The following PISD variants were observed in gnomAD, a reference collection of about 807,000 sequenced individuals.
The protein encoded by PISD is phosphatidylserine decarboxylase, also known as phosphatidylserine decarboxylase proenzyme, mitochondrial.
Under a neutral mutation model 43.5 loss-of-function variants are expected in PISD, and 31 were observed. The ratio of observed to expected loss-of-function variants is 0.71; its 90% confidence interval spans 0.54 to 0.96. The LOEUF is 0.96. PISD is among the 40% of genes least tolerant of loss of function. PISD has a pLI of 0.00. For missense variants in PISD, 523 were observed against 548.4 expected (o/e 0.95, Z 0.46); for synonymous variants, 259 against 228.7 (o/e 1.13, Z -1.20).
At chr22:31,643,265 T>C (rs2073791090) in intron 3 of PISD, among the ~76,000 whole-genome samples, 5 of 152,198 alleles carry the variant, frequency 3.3e-5, no homozygotes, top group Admixed American at 2.6e-4. Context: ...TTCATCTCCG[T>C]CATTTAACAG....
intron 1 of PISD, among the ~76,000 whole-genome samples, chr22:31,658,826 C>T (rs1336812542): frequency 6.6e-6 from 1 of 151,024 alleles, no homozygotes; most frequent in South Asian, 2.1e-4. Context: ...AGCCACCACA[C>T]CTGGCCAGTT....
chr22:31,621,960 C>T, intron 3 of PISD, 75 bp from the exon 4 acceptor site: 4 of 1,104,530 alleles, frequency 3.6e-6, no homozygotes, highest in Non-Finnish European at 4.1e-6. Context: ...TGTCATTAGC[C>T]CAGCTCTCAC....
intron 3 of PISD, among the ~76,000 whole-genome samples, chr22:31,624,231 G>C (rs906168346): frequency 6.6e-6 from 1 of 152,222 alleles, no homozygotes; most frequent in Non-Finnish European, 1.5e-5. Context: ...GGGGAGAGCA[G>C]GGTGTAGGGC....
chr22:31,625,396 C>A (rs1049086113), intron 3 of PISD, among the ~76,000 whole-genome samples: 1 of 152,246 alleles, frequency 6.6e-6, no homozygotes, highest in Non-Finnish European at 1.5e-5. Flanking sequence ...AAGAGCTACA[C>A]CCCTCCCATG....
At chr22:31,623,450 T>C (rs1348217132) in intron 3 of PISD, among the ~76,000 whole-genome samples, 2 of 152,200 alleles carry the variant, frequency 1.3e-5, no homozygotes, top group Admixed American at 1.3e-4. Context: ...TGAGGCAGGC[T>C]AGGGGAGTGG....
At chr22:31,621,167 G>A (rs1470992661) in intron 5 of PISD, 25 bp from the exon 6 acceptor site, 1 of 1,613,998 alleles carries the variant, frequency 6.2e-7, no homozygotes, top group Middle Eastern at 1.7e-4. Flanking sequence ...CAGACGTGGG[G>A]GCCACCAACA....
At chr22:31,639,959 G>A (rs972380726) in intron 3 of PISD, among the ~76,000 whole-genome samples, 16 of 152,136 alleles carry the variant, frequency 1.1e-4, no homozygotes, top group African/African-American at 3.9e-4. Context: ...CTACTTCTCA[G>A]CAGTCCCTGA....
chr22:31,662,381 G>A, upstream of PISD: 1 of 648,220 alleles, frequency 1.5e-6, no homozygotes, highest in Non-Finnish European at 2.7e-6. Context: ...ACCTGCGGAG[G>A]TAGGGGAACT....
At chr22:31,625,792 C>G in intron 3 of PISD, 1 of 1,598,628 alleles carries the variant, frequency 6.3e-7, no homozygotes, top group Non-Finnish European at 8.5e-7. Context: ...CTGGTCCTTG[C>G]CGCGCCTCTG....
chr22:31,638,483 G>A, intron 3 of PISD: 3 of 985,548 alleles, frequency 3.0e-6, no homozygotes, highest in Non-Finnish European at 2.4e-6. Context: ...AGGGAAGAGG[G>A]AGAAACGCTT....
intron 2 of PISD, among the ~76,000 whole-genome samples, 163 bp downstream of exon 2, chr22:31,650,536 A>AAAG (rs1302735160): frequency 3.0e-4 from 45 of 151,882 alleles, no homozygotes; most frequent in African/African-American, 9.9e-4. Flanking sequence ...CAAAAAAAAA[A>AAAG]AAAAAGAAAA....
chr22:31,635,672 C>T (rs570363291), intron 3 of PISD, among the ~76,000 whole-genome samples: 1 of 152,304 alleles, frequency 6.6e-6, no homozygotes, highest in South Asian at 2.1e-4. Context: ...GGAGGTAGCT[C>T]CCAGGTGGGT....
intron 3 of PISD, among the ~76,000 whole-genome samples, chr22:31,633,407 C>T (rs2073287630): frequency 1.3e-5 from 2 of 152,204 alleles, no homozygotes; most frequent in African/African-American, 4.8e-5. Context: ...GCCTCTAAGG[C>T]AGATGGGTGT....
intron 3 of PISD, among the ~76,000 whole-genome samples, chr22:31,626,804 C>A (rs2072934714): frequency 6.6e-6 from 1 of 152,246 alleles, no homozygotes; most frequent in East Asian, 1.9e-4. Context: ...TGTGCTATCT[C>A]AGCCCAGGCA....
intron 7 of PISD, 115 bp downstream of exon 7, chr22:31,620,438 C>G: frequency 1.9e-6 from 2 of 1,050,120 alleles, no homozygotes; most frequent in Non-Finnish European, 2.8e-6. Context: ...CAGGCCTGAC[C>G]AGAGCTGTGG....
At chr22:31,647,664 T>C (rs1296569032) in intron 3 of PISD, among the ~76,000 whole-genome samples, 1 of 152,208 alleles carries the variant, frequency 6.6e-6, no homozygotes, top group Non-Finnish European at 1.5e-5. Context: ...AGGCTGCCCC[T>C]ATCGTGTGAC....
At chr22:31,644,004 C>T (rs991924059) in intron 3 of PISD, among the ~76,000 whole-genome samples, 4 of 151,346 alleles carry the variant, frequency 2.6e-5, no homozygotes, top group Non-Finnish European at 5.9e-5. Flanking sequence ...GCCGAGATTG[C>T]GCCACTGCAC....
intron 1 of PISD, among the ~76,000 whole-genome samples, chr22:31,656,978 A>T (rs1185925288): frequency 1.3e-5 from 2 of 151,988 alleles, no homozygotes; most frequent in Admixed American, 6.6e-5. Flanking sequence ...TTTAAAAAAA[A>T]TTTTTCTGGG....
chr22:31,658,609 G>A (rs2074240753), intron 1 of PISD, among the ~76,000 whole-genome samples: 1 of 152,040 alleles, frequency 6.6e-6, no homozygotes, highest in African/African-American at 2.4e-5. Context: ...GAATGCAGTG[G>A]TGAAATCACA....
Sources: allele counts gnomAD v4.1 joint callset (sites outside exome capture counted in the v4.1 genomes callset), GRCh38; gene constraint gnomAD v4.1.1; transcripts MANE v1.5; gene names NCBI Gene and HGNC (gene_info 2026-07-23, HGNC 2026-07-21).